Variants in IGFBP2 observed in about 807,000 individuals in gnomAD.
IGFBP2 encodes the protein insulin-like growth factor-binding protein 2.
In IGFBP2, 12 loss-of-function variants were observed where a neutral mutation model predicts 26.2. That is an observed-to-expected ratio of 0.46 (90% CI 0.29 to 0.74). The LOEUF (loss-of-function observed/expected upper bound fraction) is 0.74, where lower values mean the gene tolerates loss of function less well. Among genes scored for constraint, IGFBP2 ranks in the 30% least tolerant of loss-of-function variants. IGFBP2 has a pLI of 0.09. For synonymous variants in IGFBP2, 189 were observed against 200.6 expected (o/e 0.94, Z 0.49); for missense variants, 328 against 441.2 (o/e 0.74, Z 2.30).
At chr2:216,649,960 A>G (rs72547229) in intron 1 of IGFBP2, among the ~76,000 whole-genome samples, 2,457 of 152,332 alleles carry the variant, frequency 0.016, 31 homozygotes, top group Middle Eastern at 0.024. Flanking sequence ...TCTGTTTACA[A>G]ACCCATGAGT....
At chr2:216,640,937 C>T (rs1697601149) in intron 1 of IGFBP2, among the ~76,000 whole-genome samples, 2 of 152,122 alleles carry the variant, frequency 1.3e-5, no homozygotes, top group South Asian at 2.1e-4. Flanking sequence ...ACAAGAAGGT[C>T]ACAGGGTGGG....
intron 1 of IGFBP2, among the ~76,000 whole-genome samples, chr2:216,640,616 C>G (rs1697592387): frequency 6.6e-6 from 1 of 152,168 alleles, no homozygotes; most frequent in South Asian, 2.1e-4. Context: ...CTCCATTTTG[C>G]AGGTGTGGAC....
chr2:216,647,917 C>T (rs933207548), intron 1 of IGFBP2, among the ~76,000 whole-genome samples: 9 of 152,266 alleles, frequency 5.9e-5, no homozygotes, highest in Middle Eastern at 3.4e-3. Context: ...ACCTCCCGGG[C>T]TCAAGCCATC....
chr2:216,633,430 C>A lies in IGFBP2; in HGVS notation c.-94C>A, dbSNP rs1404054834. 4.1e-5 allele frequency: 8 copies of A among 194,430 alleles called. No homozygotes were observed. Among genetic ancestry groups the A allele is most frequent in the Non-Finnish European group, 6.6e-5 (7 of 105,454 alleles). 12.0% of individuals were successfully genotyped at this position (194,430 alleles called of 1,614,324 possible). A position where few individuals can be genotyped will look rare whatever the true frequency, so the allele number is the denominator to read the frequency against. ...GCGGCGGCGAGGGAGGAGGAAGAAG[C>A]GGAGGAGGCGGCTCCCGCGCTCGCA... On this transcript the variant is annotated 5_prime_UTR_variant, in exon 1 of 4. Transcript: ENST00000233809.
chr2:216,664,134 GC>G lies in IGFBP2; in HGVS notation c.*36del, dbSNP rs778439874. On this transcript the variant is annotated 3_prime_UTR_variant, in exon 4 of 4. Transcript: ENST00000233809. This position sits in a 1 kb window ranked among gnomAD's most constrained non-coding sequence, Gnocchi z 4.6. Reference sequence around the variant, plus strand: ...CAGCCAGCCGGTGCCTGGCGCCCCTGCCCCCCGCCCCTCTCCAAACACCGGC... The same window carrying G: ...CAGCCAGCCGGTGCCTGGCGCCCCTGCCCCCGCCCCTCTCCAAACACCGGC... 2 of 1,508,328 alleles carry G rather than the reference GC, an allele frequency of 1.3e-6. No individual in the cohort carries two copies. The highest frequency in any genetic ancestry group is 1.8e-6 in the Non-Finnish European group (2 of 1,122,458). 93.4% of individuals were successfully genotyped at this position (1,508,328 alleles called of 1,614,324 possible). A position where few individuals can be genotyped will look rare whatever the true frequency, so the allele number is the denominator to read the frequency against.
chr2:216,635,518 C>A, intron 1 of IGFBP2, among the ~76,000 whole-genome samples: 1 of 152,082 alleles, frequency 6.6e-6, no homozygotes, highest in Non-Finnish European at 1.5e-5. Context: ...GCAGGGTGAA[C>A]TTTTTGAAAG....
At chr2:216,656,978 C>T (rs1348381330) in intron 1 of IGFBP2, among the ~76,000 whole-genome samples, 1 of 152,080 alleles carries the variant, frequency 6.6e-6, no homozygotes, top group Non-Finnish European at 1.5e-5. Flanking sequence ...GGGTAGGGTG[C>T]GGTAAGCAGG....
Position 216,660,654 on chromosome 2 carries a change from C to T in IGFBP2, c.540C>T (p.Pro180=), listed in dbSNP as rs1351226799. ...GGGGAGGCAGTGCTGGCCGGAAGCC[C>T]CTCAAGTCGGGTATGAAGGAGCTGG... The part of the protein sequence containing the change: ...LGGGGSAGRK[P]LKSGMKELAV... The change falls in exon 2 of 4, where the codon CCC becomes CCT. Residue 180 remains proline, a synonymous_variant. Coordinates refer to ENST00000233809, the MANE Select transcript of IGFBP2 (RefSeq NM_000597.3). The T allele has an allele frequency of 6.8e-6, 11 of 1,614,014 alleles. 1 individual carries two copies. The highest frequency in any genetic ancestry group is 1.7e-6 in the Non-Finnish European group (2 of 1,180,032).
chr2:216,661,038 T>C lies in IGFBP2; in HGVS notation c.672+252T>C, dbSNP rs1176175012. 3 of 534,040 alleles carry C rather than the reference T, an allele frequency of 5.6e-6. No homozygotes were observed. In the East Asian group the frequency reaches 9.7e-5, roughly 17 times the overall value. 33.1% of individuals were successfully genotyped at this position (534,040 alleles called of 1,614,324 possible). A position where few individuals can be genotyped will look rare whatever the true frequency, so the allele number is the denominator to read the frequency against. On this transcript the variant is annotated intron_variant, in intron 2 of 3. Transcript: ENST00000233809. ...AAACCTTCACATTTCTGTATGGTTT[T>C]GGAACATAGACACAGAAAATGAATC...
Position 216,664,228 on chromosome 2 carries a change from T to C in IGFBP2, c.*124T>C. 1.3e-6 allele frequency: 1 copy of C among 789,124 alleles called. No individual in the cohort carries two copies. The highest frequency in any genetic ancestry group is 1.9e-6 in the Non-Finnish European group (1 of 527,738). 48.9% of individuals were successfully genotyped at this position (789,124 alleles called of 1,614,324 possible). On this transcript the variant is annotated 3_prime_UTR_variant, in exon 4 of 4. Coordinates refer to ENST00000233809, the MANE Select transcript of IGFBP2 (RefSeq NM_000597.3). The surrounding 1 kb of genome is among the most constrained non-coding windows in gnomAD (Gnocchi z 4.6). Reference sequence around the variant, plus strand: ...CCAGTTCTGACACACGTATTTATATTTGGAAAGAGACCAGCACCGAGCTCG... The same window carrying C: ...CCAGTTCTGACACACGTATTTATATCTGGAAAGAGACCAGCACCGAGCTCG...
At chr2:216,647,285 G>A (rs1433724803) in intron 1 of IGFBP2, among the ~76,000 whole-genome samples, 1 of 152,148 alleles carries the variant, frequency 6.6e-6, no homozygotes, top group Non-Finnish European at 1.5e-5. Flanking sequence ...GACACAGAAT[G>A]TCTTCTCACC....
intron 1 of IGFBP2, among the ~76,000 whole-genome samples, chr2:216,635,607 CT>C (rs5838591): frequency 0.97 from 144,202 of 149,400 alleles, 69,789 homozygotes; most frequent in Middle Eastern, 1. Flanking sequence ...TAACGTTTTA[CT>C]TTTTTTTTTT....
upstream of IGFBP2, chr2:216,633,040 G>C (rs1321239389): frequency 3.9e-5 from 6 of 152,228 alleles, no homozygotes; most frequent in Admixed American, 3.9e-4. Context: ...TATGTCTTTT[G>C]TGTTCCCCAG....
At chr2:216,662,557 CAT>C (rs1257095586) in intron 3 of IGFBP2, 1 of 155,198 alleles carries the variant, frequency 6.4e-6, no homozygotes, top group Non-Finnish European at 1.4e-5. Context: ...ATTGTAAATA[CAT>C]TGGAGAAAAT....
At position 216,651,401 on chromosome 2, in the gene IGFBP2, G is replaced by A. The variant is rs545021824; in HGVS notation, c.443-9156G>A. Among the ~76,000 whole-genome samples, 18 of 152,308 alleles carry A rather than the reference G, an allele frequency of 1.2e-4. No individual in the cohort carries two copies. In the South Asian group the frequency reaches 2.5e-3, roughly 21 times the overall value. ...AAAGCTGTTTCTTGTATGTGCTGGC[G>A]TGTTTATGAGCCCTGTCTCAACTGA... On this transcript the variant is annotated intron_variant, in intron 1 of 3. Transcript: ENST00000233809.
At chr2:216,649,553 T>C (rs148130223) in intron 1 of IGFBP2, among the ~76,000 whole-genome samples, 33 of 152,338 alleles carry the variant, frequency 2.2e-4, no homozygotes, top group African/African-American at 6.0e-4. Context: ...ATGGCTTTAG[T>C]TGAACCCAAG....
chr2:216,661,379 C>T lies in IGFBP2; in HGVS notation c.673-479C>T, dbSNP rs377619384. The T allele has an allele frequency of 2.4e-5, 7 of 286,938 alleles. No homozygotes were observed. The East Asian group carries it at 2.9e-4, about 12-fold the overall frequency. 17.8% of individuals were successfully genotyped at this position (286,938 alleles called of 1,614,324 possible). A position where few individuals can be genotyped will look rare whatever the true frequency, so the allele number is the denominator to read the frequency against. On this transcript the variant is annotated intron_variant, in intron 2 of 3. Transcript: ENST00000233809. ...TCGGCCTCCCGAAGCGCTGGGATTA[C>T]AGGCGCCAGCCACTGCGCCTGGCCT...
chr2:216,663,411 GTTTTATCATCT>G (rs1559181710), intron 3 of IGFBP2: 3 of 152,394 alleles, frequency 2.0e-5, no homozygotes, highest in Non-Finnish European at 2.9e-5. Flanking sequence ...CTGTGCTTCA[GTTTTATCATCT>G]GTAAACCAGG....
At chr2:216,659,059 G>A (rs750485037) in intron 1 of IGFBP2, among the ~76,000 whole-genome samples, 5 of 152,142 alleles carry the variant, frequency 3.3e-5, no homozygotes, top group East Asian at 1.9e-4. Flanking sequence ...CCCTGGGGAC[G>A]GCGTGCTGGC....
Sources: allele counts gnomAD v4.1 joint callset (sites outside exome capture counted in the v4.1 genomes callset), GRCh38; gene constraint gnomAD v4.1.1; non-coding constraint Gnocchi (gnomAD v3.1); transcripts MANE v1.5; gene names NCBI Gene and HGNC (gene_info 2026-07-23, HGNC 2026-07-21).